Variants in LRRC3B observed in about 807,000 individuals in gnomAD.
The protein encoded by LRRC3B is leucine-rich repeat-containing protein 3B.
Under a neutral mutation model 12.8 loss-of-function variants are expected in LRRC3B, and 2 were observed. The observed-to-expected ratio is 0.16, with a 90% CI of 0.06 to 0.49. The LOEUF (loss-of-function observed/expected upper bound fraction) is 0.49. Ranked by LOEUF, LRRC3B falls within the 20% of genes least tolerant of loss-of-function variation. The pLI is 0.96. For missense variants in LRRC3B, 189 were observed against 319.4 expected (o/e 0.59, Z 3.11); for synonymous variants, 132 against 122.0 (o/e 1.08, Z -0.54).
chr3:26,633,561 TG>T (rs1207127737), intron 1 of LRRC3B, among the ~76,000 whole-genome samples: 2 of 152,238 alleles, frequency 1.3e-5, no homozygotes, highest in African/African-American at 4.8e-5. Flanking sequence ...GAACAAAGCC[TG>T]GTTATTCCAG....
intron 1 of LRRC3B, among the ~76,000 whole-genome samples, chr3:26,703,160 A>AAATAC (rs2125460842): frequency 6.6e-6 from 1 of 152,298 alleles, no homozygotes; most frequent in African/African-American, 2.4e-5. Context: ...TTTTAGTCAC[A>AAATAC]AATACACAGG....
rs150173276 is a variant in LRRC3B at position 26,628,406 on chromosome 3, G to A, written c.-161+5169G>A. ...TAAATAATAAGGTTCTGTAGAAAGA[G>A]TTTGAAGAAGATACTGGAAAAAAAA... On this transcript the variant is annotated intron_variant, in intron 1 of 1. Transcript: ENST00000396641. 5.5e-3 allele frequency among the ~76,000 whole-genome samples: 630 copies of A among 114,744 alleles called. 2 individuals carry two copies. The highest frequency in any genetic ancestry group is 8.6e-3 in the Non-Finnish European group (502 of 58,304). 75.3% of individuals were successfully genotyped at this position (114,744 alleles called of 152,430 possible). A position where few individuals can be genotyped will look rare whatever the true frequency, so the allele number is the denominator to read the frequency against.
At chr3:26,704,512 C>G (rs143708108) in intron 1 of LRRC3B, among the ~76,000 whole-genome samples, 111 of 152,092 alleles carry the variant, frequency 7.3e-4, no homozygotes, top group African/African-American at 2.2e-3. Context: ...ATATACATTG[C>G]TATTTATGTA....
At chr3:26,654,290 G>T (rs1268948011) in intron 1 of LRRC3B, among the ~76,000 whole-genome samples, 4 of 152,178 alleles carry the variant, frequency 2.6e-5, no homozygotes, top group African/African-American at 9.7e-5. Flanking sequence ...GGGGCTTAGA[G>T]AAGATTGTGA....
chr3:26,623,554 C>A (rs1378359815), intron 1 of LRRC3B: 2 of 152,744 alleles, frequency 1.3e-5, no homozygotes, highest in Non-Finnish European at 2.9e-5. Context: ...CCCCCAGCCC[C>A]TCTTGCCATA....
chr3:26,623,096 G>A lies in LRRC3B; in HGVS notation c.-302G>A, dbSNP rs1028169899. 2 of 152,228 alleles carry A rather than the reference G, an allele frequency of 1.3e-5. No homozygotes were observed. Among genetic ancestry groups the A allele is most frequent in the Non-Finnish European group, 2.9e-5 (2 of 68,140 alleles). The allele number at this position is 152,228 out of a possible 1,614,324, so 9.4% of individuals were successfully genotyped here. A position where few individuals can be genotyped will look rare whatever the true frequency, so the allele number is the denominator to read the frequency against. On this transcript the variant is annotated 5_prime_UTR_variant, in exon 1 of 2. It adds an upstream start codon to the 5' untranslated region. Coordinates refer to ENST00000396641, the Ensembl canonical transcript of LRRC3B. ...GCCCGCCGGGCCGGCCCGGTCCCAGGTGGGCAGCTCGGCTTGCAGCTGGTT... is the reference window on the plus strand; with the variant it reads ...GCCCGCCGGGCCGGCCCGGTCCCAGATGGGCAGCTCGGCTTGCAGCTGGTT...
intron 1 of LRRC3B, among the ~76,000 whole-genome samples, chr3:26,694,953 C>G (rs1700274222): frequency 6.6e-6 from 1 of 152,090 alleles, no homozygotes; most frequent in Non-Finnish European, 1.5e-5. Context: ...AAAAATTCTC[C>G]TTAATATCAT....
chr3:26,640,568 A>C (rs1341267983), intron 1 of LRRC3B, among the ~76,000 whole-genome samples: 2 of 152,170 alleles, frequency 1.3e-5, no homozygotes, highest in Non-Finnish European at 2.9e-5. Flanking sequence ...GACATTTAAA[A>C]ATCCATGTCA....
intron 1 of LRRC3B, among the ~76,000 whole-genome samples, chr3:26,647,506 T>C (rs1699177637): frequency 6.6e-6 from 1 of 152,200 alleles, no homozygotes; most frequent in South Asian, 2.1e-4. Flanking sequence ...ACAAGGCTTC[T>C]GAGAGTGCCT....
intron 1 of LRRC3B, among the ~76,000 whole-genome samples, chr3:26,699,252 T>A (rs1274787946): frequency 6.6e-6 from 1 of 152,162 alleles, no homozygotes; most frequent in Non-Finnish European, 1.5e-5. Context: ...GACAGAATGA[T>A]CTTATATTTT....
chr3:26,674,140 G>T (rs1258013475), intron 1 of LRRC3B, among the ~76,000 whole-genome samples: 1 of 152,100 alleles, frequency 6.6e-6, no homozygotes, highest in Non-Finnish European at 1.5e-5. Context: ...TTAGTTTTTG[G>T]ATTACTGATG....
intron 1 of LRRC3B, among the ~76,000 whole-genome samples, chr3:26,640,628 G>C (rs1699010678): frequency 6.6e-6 from 1 of 152,150 alleles, no homozygotes; most frequent in African/African-American, 2.4e-5. Flanking sequence ...ATATGGGACT[G>C]GGATACAAAG....
At chr3:26,687,677 C>A (rs1019771437) in intron 1 of LRRC3B, among the ~76,000 whole-genome samples, 11 of 152,146 alleles carry the variant, frequency 7.2e-5, no homozygotes, top group Non-Finnish European at 1.3e-4. Context: ...AGCCTCCTCC[C>A]TTTGTGTACT....
intron 1 of LRRC3B, among the ~76,000 whole-genome samples, chr3:26,708,382 A>T (rs2125466893): frequency 6.6e-6 from 1 of 152,332 alleles, no homozygotes; most frequent in African/African-American, 2.4e-5. Context: ...TACTTGCTGG[A>T]TACTTATAGA....
intron 1 of LRRC3B, among the ~76,000 whole-genome samples, chr3:26,653,006 G>A (rs981831838): frequency 6.6e-6 from 1 of 151,746 alleles, no homozygotes; most frequent in Admixed American, 6.6e-5. Context: ...GCATTGCTGG[G>A]TCAACAAGCA....
intron 1 of LRRC3B, among the ~76,000 whole-genome samples, chr3:26,676,553 C>T (rs1699864974): frequency 6.6e-6 from 1 of 152,110 alleles, no homozygotes; most frequent in Admixed American, 6.5e-5. Flanking sequence ...CATCTCACAC[C>T]AGTTAGAATG....
chr3:26,647,922 G>A (rs530557101), intron 1 of LRRC3B, among the ~76,000 whole-genome samples: 1 of 152,252 alleles, frequency 6.6e-6, no homozygotes, highest in South Asian at 2.1e-4. Flanking sequence ...AATGTCATAT[G>A]CCTGTGTTTG....
At chr3:26,692,553 G>A (rs915200349) in intron 1 of LRRC3B, among the ~76,000 whole-genome samples, 4 of 152,106 alleles carry the variant, frequency 2.6e-5, no homozygotes, top group African/African-American at 9.7e-5. Context: ...AATGACAATG[G>A]AACTGCATTG....
chr3:26,698,758 C>T (rs60713387), intron 1 of LRRC3B, among the ~76,000 whole-genome samples: 12,168 of 152,050 alleles, frequency 0.08, 1,628 homozygotes, highest in African/African-American at 0.28. Context: ...TTGACAGCTG[C>T]GGTTGTCAAG....
Sources: allele counts gnomAD v4.1 joint callset (sites outside exome capture counted in the v4.1 genomes callset), GRCh38; gene constraint gnomAD v4.1.1; transcripts MANE v1.5; gene names NCBI Gene and HGNC (gene_info 2026-07-23, HGNC 2026-07-21).